TENM2: variants seen among roughly 807,000 people sequenced by gnomAD.
TENM2 encodes teneurin transmembrane protein 2.
Under a neutral mutation model 245.2 loss-of-function variants are expected in TENM2, and 52 were observed. That is an observed-to-expected ratio of 0.21 (90% CI 0.17 to 0.27). The LOEUF is 0.27. Ranked by LOEUF, TENM2 falls within the 10% of genes least tolerant of loss-of-function variation. TENM2 has a pLI of 1.00. For synonymous variants in TENM2, 1,363 were observed against 1,438.9 expected (o/e 0.95, Z 1.19); for missense variants, 3,046 against 3,666.8 (o/e 0.83, Z 4.37).
chr5:167,946,261 G>C (rs32410), intron 3 of TENM2, among the ~76,000 whole-genome samples: 39,417 of 152,014 alleles, frequency 0.26, 6,063 homozygotes, highest in African/African-American at 0.43. Flanking sequence ...CCTCAGGTCA[G>C]AGCAGGACAG....
At chr5:168,240,172 A>G (rs1765956052) in intron 25 of TENM2, among the ~76,000 whole-genome samples, 1 of 152,224 alleles carries the variant, frequency 6.6e-6, no homozygotes, top group African/African-American at 2.4e-5. Flanking sequence ...GTGAGCCGAG[A>G]TCGTGCCACT....
At chr5:167,084,364 T>TATATATATAC in the TENM2 span, among the ~76,000 whole-genome samples, 9 of 111,142 alleles carry the variant, frequency 8.1e-5, no homozygotes, top group East Asian at 2.4e-4. Context: ...TATATATATA[T>TATATATATAC]ATACAGATCA....
At chr5:167,670,901 T>A (rs1275206845) in intron 2 of TENM2, among the ~76,000 whole-genome samples, 1 of 152,118 alleles carries the variant, frequency 6.6e-6, no homozygotes, top group Non-Finnish European at 1.5e-5. Context: ...GCCATTGCAT[T>A]TACTCAGCTC....
intron 1 of TENM2, chr5:167,306,320 C>G (rs1336890158): frequency 6.6e-6 from 1 of 152,186 alleles, no homozygotes; most frequent in Non-Finnish European, 1.5e-5. Flanking sequence ...TACTTTATCT[C>G]AAACCAGATG....
chr5:167,989,748 G>A (rs1370595677), intron 4 of TENM2, among the ~76,000 whole-genome samples: 2 of 152,168 alleles, frequency 1.3e-5, no homozygotes, highest in Non-Finnish European at 2.9e-5. Flanking sequence ...CTATTGGATG[G>A]GGAAAGGCAA....
At chr5:167,042,515 GA>G in the TENM2 span, among the ~76,000 whole-genome samples, 1 of 152,166 alleles carries the variant, frequency 6.6e-6, no homozygotes, top group African/African-American at 2.4e-5. Context: ...AATCAAAGAA[GA>G]ATTTGATATT....
At chr5:167,254,350 G>A in the TENM2 span, among the ~76,000 whole-genome samples, 4 of 152,124 alleles carry the variant, frequency 2.6e-5, no homozygotes, top group Non-Finnish European at 4.4e-5. Flanking sequence ...CATGTCTAGT[G>A]CTAAATGCCT....
At chr5:167,566,496 A>C (rs993376961) in intron 2 of TENM2, among the ~76,000 whole-genome samples, 1 of 152,322 alleles carries the variant, frequency 6.6e-6, no homozygotes, top group Admixed American at 6.5e-5. Context: ...CTATCTGATA[A>C]GTAAGGTTGT....
At chr5:168,220,503 A>AT (rs568833841) in intron 23 of TENM2, among the ~76,000 whole-genome samples, 1 of 152,190 alleles carries the variant, frequency 6.6e-6, no homozygotes, top group African/African-American at 2.4e-5. Context: ...TTGAAACTGA[A>AT]TTTTTTTATC....
At chr5:167,619,694 G>T (rs73382941) in intron 2 of TENM2, among the ~76,000 whole-genome samples, 4,623 of 152,188 alleles carry the variant, frequency 0.03, 240 homozygotes, top group African/African-American at 0.11. Context: ...GCTAATAAAA[G>T]ATATACTTAA....
the TENM2 span, among the ~76,000 whole-genome samples, chr5:167,000,568 G>A: frequency 1.3e-5 from 2 of 152,246 alleles, no homozygotes; most frequent in South Asian, 4.2e-4. Context: ...AATAACAGAT[G>A]TTTGGGTCAT....
chr5:167,194,019 C>T, the TENM2 span, among the ~76,000 whole-genome samples: 1 of 152,100 alleles, frequency 6.6e-6, no homozygotes, highest in Non-Finnish European at 1.5e-5. Context: ...CTATTTCATT[C>T]AAGCTCAGGT....
intron 3 of TENM2, among the ~76,000 whole-genome samples, chr5:167,921,791 A>C (rs1180086871): frequency 6.6e-6 from 1 of 152,224 alleles, no homozygotes; most frequent in African/African-American, 2.4e-5. Flanking sequence ...ACTTATGAAC[A>C]GACATTGTAC....
intron 2 of TENM2, among the ~76,000 whole-genome samples, chr5:167,403,661 G>A (rs73801207): frequency 0.017 from 2,544 of 152,214 alleles, 87 homozygotes; most frequent in African/African-American, 0.058. Context: ...TAAAATATAC[G>A]TGGCAACTTC....
chr5:167,587,766 T>C (rs773861785), intron 2 of TENM2, among the ~76,000 whole-genome samples: 5 of 152,206 alleles, frequency 3.3e-5, no homozygotes, highest in African/African-American at 4.8e-5. Flanking sequence ...AATACGAACA[T>C]CAGATTACTT....
intron 2 of TENM2, among the ~76,000 whole-genome samples, chr5:167,774,874 T>G (rs1242256844): frequency 6.6e-6 from 1 of 152,230 alleles, no homozygotes; most frequent in Non-Finnish European, 1.5e-5. Context: ...TCCATGATAG[T>G]TTCCCCCCAG....
At chr5:168,029,480 G>A (rs1423812565) in intron 5 of TENM2, among the ~76,000 whole-genome samples, 2 of 152,078 alleles carry the variant, frequency 1.3e-5, no homozygotes, top group East Asian at 1.9e-4. Flanking sequence ...ATTCACCCTA[G>A]GAATGCTTAT....
chr5:167,277,274 G>A, the TENM2 span, among the ~76,000 whole-genome samples: 2 of 151,750 alleles, frequency 1.3e-5, no homozygotes, highest in East Asian at 1.9e-4. Flanking sequence ...TTTCATCACC[G>A]CTTTAACTGT....
chr5:168,096,194 A>C (rs906564019), intron 8 of TENM2, among the ~76,000 whole-genome samples: 3 of 152,258 alleles, frequency 2.0e-5, no homozygotes, highest in Non-Finnish European at 4.4e-5. Flanking sequence ...GAACTAAGGC[A>C]GTCAATGCCT....
Sources: allele counts gnomAD v4.1 joint callset (sites outside exome capture counted in the v4.1 genomes callset), GRCh38; gene constraint gnomAD v4.1.1; transcripts MANE v1.5; gene names NCBI Gene and HGNC (gene_info 2026-07-23, HGNC 2026-07-21).